Variants in MTMR1 observed in about 807,000 individuals in gnomAD.
MTMR1 encodes the protein myotubularin related protein 1.
A neutral mutation model predicts 51.6 loss-of-function variants in MTMR1; 17 were observed. The observed-to-expected ratio is 0.33, with a 90% CI of 0.23 to 0.49. The LOEUF (loss-of-function observed/expected upper bound fraction) is 0.49. MTMR1 is among the 20% of genes least tolerant of loss of function. The probability of loss-of-function intolerance (pLI) is 0.99; values close to 1 mark genes in which losing one functional copy is unlikely to be tolerated. For synonymous variants in MTMR1, 201 were observed against 205.6 expected, an observed-to-expected ratio of 0.98 and a Z score of 0.19; for missense variants, 386 against 526.9, an observed-to-expected ratio of 0.73 and a Z score of 2.62.
intron 2 of MTMR1, among the ~76,000 whole-genome samples, chrX:150,705,562 A>C (rs2148562617): frequency 8.9e-6 from 1 of 112,523 alleles, no homozygotes; most frequent in South Asian, 3.6e-4. Context: ...AGGAAGTGGC[A>C]CAACATTTTC....
At chrX:150,727,084 T>TATATA in intron 4 of MTMR1, 131 bp from the exon 5 acceptor site, 1 of 400,114 alleles carries the variant, frequency 2.5e-6, no homozygotes, top group Non-Finnish European at 4.3e-6. Context: ...AAGTCATAAT[T>TATATA]GATATAATCC....
chrX:150,732,819 C>A, intron 10 of MTMR1, 89 bp downstream of exon 10: 1 of 885,545 alleles, frequency 1.1e-6, no homozygotes, highest in Non-Finnish European at 1.6e-6. Flanking sequence ...CATTGATTTC[C>A]TCACCACCTG....
intron 1 of MTMR1, among the ~76,000 whole-genome samples, chrX:150,698,383 ACAT>A (rs1333823660): frequency 9.0e-6 from 1 of 111,523 alleles, no homozygotes; most frequent in African/African-American, 3.3e-5. Context: ...TACACAGAGA[ACAT>A]CATTTTTCTA....
At chrX:150,703,552 G>T (rs1407354054) in intron 2 of MTMR1, among the ~76,000 whole-genome samples, 1 of 112,104 alleles carries the variant, frequency 8.9e-6, no homozygotes, top group Non-Finnish European at 1.9e-5. Context: ...AGAAAATGGA[G>T]ATGGCCTTAT....
Position 150,718,612 on chromosome X carries a change from T to A in MTMR1, c.277-13T>A. The A allele has an allele frequency of 1.6e-6, 1 of 618,156 alleles. No homozygotes were observed. Among genetic ancestry groups the A allele is most frequent in the Non-Finnish European group, 2.2e-6 (1 of 453,767 alleles). 50.9% of individuals were successfully genotyped at this position (618,156 alleles called of 1,213,427 possible). A position where few individuals can be genotyped will look rare whatever the true frequency, so the allele number is the denominator to read the frequency against. ...TTTTTTTTTTTTTTTTTTTTTTTTT[T>A]TTTTTTTGCCAGGCTCTAAGGGATG... is the stretch of plus-strand genomic sequence containing the variant. On this transcript the variant is annotated splice_polypyrimidine_tract_variant and intron_variant, in intron 3 of 15. Transcript: ENST00000445323.
At chrX:150,721,959 G>C (rs1263888217) in intron 4 of MTMR1, among the ~76,000 whole-genome samples, 1 of 111,680 alleles carries the variant, frequency 9.0e-6, no homozygotes, top group Non-Finnish European at 1.9e-5. Flanking sequence ...TTTGCATTCA[G>C]ATCAAAATGC....
intron 12 of MTMR1, among the ~76,000 whole-genome samples, chrX:150,743,158 C>G (rs782449104): frequency 4.4e-4 from 49 of 111,283 alleles, no homozygotes; most frequent in Non-Finnish European, 3.6e-4. Flanking sequence ...ATTCCCAGCA[C>G]TTTGGGAGGC....
intron 1 of MTMR1, among the ~76,000 whole-genome samples, chrX:150,695,941 C>T (rs185993031): frequency 1.1e-4 from 12 of 111,545 alleles, no homozygotes; most frequent in Admixed American, 1.0e-3. Flanking sequence ...GGGGGAGTGC[C>T]GGGTGGACTC....
At chrX:150,707,551 G>A (rs1195014569) in intron 2 of MTMR1, among the ~76,000 whole-genome samples, 1 of 112,143 alleles carries the variant, frequency 8.9e-6, no homozygotes, top group Non-Finnish European at 1.9e-5. Flanking sequence ...ATATCCTATT[G>A]GAATGGTTAG....
intron 15 of MTMR1, among the ~76,000 whole-genome samples, chrX:150,757,170 A>C (rs1557417786): frequency 8.9e-6 from 1 of 112,512 alleles, no homozygotes; most frequent in African/African-American, 3.2e-5. Flanking sequence ...TGAACTGCTC[A>C]TGTTCCTTTT....
In MTMR1 at chrX:150,730,152, G is replaced by C; in HGVS notation, c.599G>C (p.Ser200Thr). 2 of 1,205,504 alleles carry C rather than the reference G, an allele frequency of 1.7e-6. No individual in the cohort carries two copies. The highest frequency in any genetic ancestry group is 3.5e-5 in the African/African-American group (2 of 57,424). ...CTTGCTTATAAACAGGAAGAACAGA[G>C]TAAACTAGGGATATTTGAAAACCTC... Reference protein sequence around the residue: ...LRLAYKQEEQSKLGIFENLNK... With the variant: ...LRLAYKQEEQTKLGIFENLNK... Residue 200 changes from serine (S) to threonine (T), a missense_variant, in exon 7 of 16, where the codon AGT becomes ACT. Coordinates refer to ENST00000445323, the MANE Select transcript of MTMR1 (RefSeq NM_001306144.3).
chrX:150,722,293 A>G (rs2041776116), intron 4 of MTMR1, among the ~76,000 whole-genome samples: 1 of 111,861 alleles, frequency 8.9e-6, no homozygotes, highest in Admixed American at 9.5e-5. Flanking sequence ...TTTTCTGTCT[A>G]TTTCTACCAA....
At chrX:150,716,406 A>G (rs985274007) in intron 3 of MTMR1, among the ~76,000 whole-genome samples, 4 of 112,637 alleles carry the variant, frequency 3.6e-5, no homozygotes, top group African/African-American at 1.3e-4. Flanking sequence ...TTTATGCTTT[A>G]TTGCATAAAA....
chrX:150,762,901 G>A lies in MTMR1; in HGVS notation c.*172G>A, dbSNP rs781956961. On this transcript the variant is annotated 3_prime_UTR_variant, in exon 16 of 16. Transcript: ENST00000445323. ...TGGCAACCGTTACCCTCCTGTCAGC[G>A]GTTTCACAGGGGAGCCGTCTGTCAC... The A allele has an allele frequency of 1.4e-4, 73 of 517,577 alleles. No individual in the cohort carries two copies. The Admixed American group carries it at 2.4e-3, about 17-fold the overall frequency. The allele number at this position is 517,577 out of a possible 1,213,427, so 42.7% of individuals were successfully genotyped here.
rs782107099 is a variant in MTMR1 at position 150,727,208 on chromosome X, C to T, written c.353-7C>T. The T allele has an allele frequency of 8.4e-7, 1 of 1,184,424 alleles. No individual in the cohort carries two copies. Among genetic ancestry groups the T allele is most frequent in the Non-Finnish European group, 1.1e-6 (1 of 875,871 alleles). ...CAGTAGTTGCTACTTTGGCCTTTTT[C>T]TTTCAGTGAAAGATGTCATGTATAT... is the stretch of plus-strand genomic sequence containing the variant. On this transcript the variant is annotated splice_polypyrimidine_tract_variant and splice_region_variant and intron_variant, in intron 4 of 15. Coordinates refer to ENST00000445323, the MANE Select transcript of MTMR1 (RefSeq NM_001306144.3).
rs781993845 is a variant in MTMR1 at position 150,744,591 on chromosome X, G to A, written c.1566+138G>A. On this transcript the variant is annotated intron_variant, in intron 13 of 15. Coordinates refer to ENST00000445323, the MANE Select transcript of MTMR1 (RefSeq NM_001306144.3). ...ATTTAACACAATTTGATTCTAATTCGCTTAGAAATATAAGCAGAACATTAG... is the reference window on the plus strand; with the variant it reads ...ATTTAACACAATTTGATTCTAATTCACTTAGAAATATAAGCAGAACATTAG... 1.7e-4 allele frequency: 90 copies of A among 514,658 alleles called. 1 individual carries two copies. The Middle Eastern group carries it at 2.2e-3, about 13-fold the overall frequency. 42.4% of individuals were successfully genotyped at this position (514,658 alleles called of 1,213,427 possible).
Position 150,730,602 on chromosome X carries a change from G to T in MTMR1, c.735G>T (p.Lys245Asn). ...WKVYDPVSEY[K>N]RQGLPNESWK... ...TTTATGATCCAGTATCTGAATATAAGAGACAGGTAAAGTATATTGCTTATC... is the reference window on the plus strand; with the variant it reads ...TTTATGATCCAGTATCTGAATATAATAGACAGGTAAAGTATATTGCTTATC... Residue 245 changes from lysine to asparagine, a missense_variant, in exon 8 of 16, where the codon AAG becomes AAT. By Grantham distance (94) the Lys-to-Asn change is moderately conservative. Coordinates refer to ENST00000445323, the MANE Select transcript of MTMR1 (RefSeq NM_001306144.3). The T allele has an allele frequency of 9.2e-7, 1 of 1,090,876 alleles. No homozygotes were observed. The highest frequency in any genetic ancestry group is 1.2e-6 in the Non-Finnish European group (1 of 805,783). 89.9% of individuals were successfully genotyped at this position (1,090,876 alleles called of 1,213,427 possible).
rs184492698 is a variant in MTMR1 at position 150,712,667 on chromosome X, G to A, written c.276+302G>A. The A allele has an allele frequency of 2.4e-3, 645 of 272,550 alleles. 2 individuals are homozygous for A. The highest frequency in any genetic ancestry group is 0.017 in the African/African-American group (589 of 35,241). The allele number at this position is 272,550 out of a possible 1,213,427, so 22.5% of individuals were successfully genotyped here. A position where few individuals can be genotyped will look rare whatever the true frequency, so the allele number is the denominator to read the frequency against. On this transcript the variant is annotated intron_variant, in intron 3 of 15. Transcript: ENST00000445323. ...GACCAAATGGATATTCATGACTGGGGTTATAAGGCTGGGGCTACTGAGGTC... is the reference window on the plus strand; with the variant it reads ...GACCAAATGGATATTCATGACTGGGATTATAAGGCTGGGGCTACTGAGGTC...
chrX:150,727,819 A>G (rs782425441), intron 6 of MTMR1, 28 bp downstream of exon 6: 7 of 1,077,400 alleles, frequency 6.5e-6, no homozygotes, highest in Non-Finnish European at 9.0e-6. Context: ...AGTGAAAACT[A>G]AAAGAGGGCA....
Sources: allele counts gnomAD v4.1 joint callset (sites outside exome capture counted in the v4.1 genomes callset), GRCh38; gene constraint gnomAD v4.1.1; transcripts MANE v1.5; gene names NCBI Gene and HGNC (gene_info 2026-07-23, HGNC 2026-07-21).